The following LHX4 variants were observed in gnomAD, a reference collection of about 807,000 sequenced individuals.
LHX4 encodes the protein LIM homeobox 4.
A neutral mutation model predicts 39.2 loss-of-function variants in LHX4; 16 were observed. The observed-to-expected ratio is 0.41, with a 90% CI of 0.28 to 0.62. The LOEUF is 0.62. LHX4 is among the 20% of genes least tolerant of loss of function. LHX4 has a pLI of 0.33. For synonymous variants in LHX4, 206 were observed against 198.1 expected (o/e 1.04, Z -0.33); for missense variants, 439 against 511.9 (o/e 0.86, Z 1.37).
intron 5 of LHX4, 57 bp from the exon 6 acceptor site, chr1:180,274,128 C>A: frequency 6.2e-7 from 1 of 1,603,140 alleles, no homozygotes; most frequent in South Asian, 1.1e-5. Context: ...TTGTGAAGAG[C>A]AGGGGACCAT....
chr1:180,235,628 A>G (rs1225237449), intron 1 of LHX4, among the ~76,000 whole-genome samples: 2 of 152,050 alleles, frequency 1.3e-5, no homozygotes, highest in Non-Finnish European at 2.9e-5. Flanking sequence ...TCGGCTCCCC[A>G]CTCGGTTCCG....
chr1:180,259,314 G>T (rs1218758729), intron 2 of LHX4, among the ~76,000 whole-genome samples: 2 of 152,138 alleles, frequency 1.3e-5, no homozygotes, highest in South Asian at 2.1e-4. Context: ...GGCAGGCAGG[G>T]ATCATAGAAT....
At position 180,234,525 on chromosome 1, in the gene LHX4, G is replaced by A. The variant is rs936309232; in HGVS notation, c.76+3920G>A. On this transcript the variant is annotated intron_variant, in intron 1 of 5. Transcript: ENST00000263726. This position sits in a 1 kb window ranked among gnomAD's most constrained non-coding sequence, Gnocchi z 4.8. ...GGATGGCTGAGGACTCCCAAGGGGC[G>A]AGAGGGCTCCGGCCTCCTCCTTTCC... 6.6e-6 allele frequency among the ~76,000 whole-genome samples: 1 copy of A among 152,160 alleles called. No homozygotes were observed. The highest frequency in any genetic ancestry group is 2.4e-5 in the African/African-American group (1 of 41,462).
At chr1:180,262,259 C>T (rs1406323425) in intron 2 of LHX4, among the ~76,000 whole-genome samples, 2 of 142,148 alleles carry the variant, frequency 1.4e-5, no homozygotes, top group East Asian at 2.0e-4. Context: ...CCAGCACCTT[C>T]CTACAGAGAT....
intron 1 of LHX4, among the ~76,000 whole-genome samples, chr1:180,245,735 C>A (rs776014716): frequency 1.4e-4 from 22 of 152,212 alleles, no homozygotes; most frequent in Admixed American, 6.5e-4. Flanking sequence ...CCTACAGGCA[C>A]TATTGTCATC....
chr1:180,254,155 G>A (rs992889368), intron 2 of LHX4, among the ~76,000 whole-genome samples: 1 of 152,190 alleles, frequency 6.6e-6, no homozygotes, highest in Non-Finnish European at 1.5e-5. Context: ...GCCCGTCAGG[G>A]GGCGTGGAGT....
At position 180,232,830 on chromosome 1, in the gene LHX4, G is replaced by C. The variant is rs1341757142; in HGVS notation, c.76+2225G>C. Among the ~76,000 whole-genome samples the C allele has an allele frequency of 6.6e-6, 1 of 152,244 alleles. No homozygotes were observed. The highest frequency in any genetic ancestry group is 2.4e-5 in the African/African-American group (1 of 41,468). On this transcript the variant is annotated intron_variant, in intron 1 of 5. Coordinates refer to ENST00000263726, the MANE Select transcript of LHX4 (RefSeq NM_033343.4). The surrounding 1 kb of genome is among the most constrained non-coding windows in gnomAD (Gnocchi z 5.4). ...GGGACTGGGCCCAGTGGCCTAAGAA[G>C]GGGGGAAGCTCGAGGGGTTGTGGGG...
chr1:180,274,398 A>G lies in LHX4; in HGVS notation c.992A>G (p.Asp331Gly). 2 of 1,614,146 alleles carry G rather than the reference A, an allele frequency of 1.2e-6. No homozygotes were observed. Among genetic ancestry groups the G allele is most frequent in the South Asian group, 1.1e-5 (1 of 91,082 alleles). The change falls in exon 6 of 6, where the codon GAT becomes GGT. Residue 331 changes from aspartate (D) to glycine (G), a missense_variant. Physicochemically the swap from Asp to Gly is moderately conservative, Grantham distance 94 (BLOSUM62 -1). Transcript: ENST00000263726. ...PSHAPLLNGLDYTVDSNLGII... is the reference protein window; with the variant it reads ...PSHAPLLNGLGYTVDSNLGII... The stretch of plus-strand genomic sequence containing the variant: ...CACGCTCCTTTGCTCAATGGGCTGG[A>G]TTACACGGTGGACAGTAATTTGGGC...
At chr1:180,246,701 A>G (rs1647396064) in intron 1 of LHX4, among the ~76,000 whole-genome samples, 1 of 152,160 alleles carries the variant, frequency 6.6e-6, no homozygotes, top group South Asian at 2.1e-4. Context: ...ACAGAGCAAG[A>G]CTCTGTCTCA....
chr1:180,250,242 T>C (rs1647564741), intron 2 of LHX4, among the ~76,000 whole-genome samples: 2 of 152,222 alleles, frequency 1.3e-5, no homozygotes, highest in East Asian at 1.9e-4. Flanking sequence ...AGTTTGCCTC[T>C]ATTTTCCTTC....
intron 2 of LHX4, among the ~76,000 whole-genome samples, chr1:180,259,787 G>T (rs774608833): frequency 6.6e-6 from 1 of 151,768 alleles, no homozygotes; most frequent in South Asian, 2.1e-4. Context: ...AAGGAGGGAA[G>T]CGAGGGACAG....
At position 180,277,080 on chromosome 1, in the gene LHX4, GGA is replaced by G. The variant is rs1649080476; in HGVS notation, c.*2505_*2506del. 1 of 152,154 alleles carries G rather than the reference GGA, an allele frequency of 6.6e-6. No individual in the cohort carries two copies. Among genetic ancestry groups the G allele is most frequent in the African/African-American group, 2.4e-5 (1 of 41,436 alleles). The allele number at this position is 152,154 out of a possible 1,614,324, so 9.4% of individuals were successfully genotyped here. ...CTTGAGAGCACTGGCCTGAAAACCA[GGA>G]GAGCTTTGTTTTCCAGAGCCACCTC... On this transcript the variant is annotated 3_prime_UTR_variant, in exon 6 of 6. Transcript: ENST00000263726.
At chr1:180,244,684 C>T (rs1355869201) in intron 1 of LHX4, among the ~76,000 whole-genome samples, 1 of 152,218 alleles carries the variant, frequency 6.6e-6, no homozygotes, top group East Asian at 1.9e-4. Flanking sequence ...GGCCAAACAA[C>T]AATTAGGTAG....
rs750511056 is a variant in LHX4 at position 180,232,206 on chromosome 1, G to A, written c.76+1601G>A. 1.3e-5 allele frequency among the ~76,000 whole-genome samples: 2 copies of A among 152,170 alleles called. No individual in the cohort carries two copies. Among genetic ancestry groups the A allele is most frequent in the Non-Finnish European group, 2.9e-5 (2 of 68,034 alleles). On this transcript the variant is annotated intron_variant, in intron 1 of 5. Coordinates refer to ENST00000263726, the MANE Select transcript of LHX4 (RefSeq NM_033343.4). This position sits in a 1 kb window ranked among gnomAD's most constrained non-coding sequence, Gnocchi z 5.4. ...GCGCGAGTGAGGAGACTGCATGAGT[G>A]GGGGAAGGGTGTGTGTGTGTTACTA...
rs1016473193 is a variant in LHX4 at position 180,277,599 on chromosome 1, C to G, written c.*3020C>G. ...ACGTAATGAAACCATGGAGGAAATA[C>G]CAGATTTAAGGGCTAAGAAGCTGGC... On this transcript the variant is annotated 3_prime_UTR_variant, in exon 6 of 6. Transcript: ENST00000263726. 1.3e-5 allele frequency: 2 copies of G among 152,072 alleles called. No individual in the cohort carries two copies. Among genetic ancestry groups the G allele is most frequent in the East Asian group, 3.9e-4 (2 of 5,190 alleles). The allele number at this position is 152,072 out of a possible 1,614,324, so 9.4% of individuals were successfully genotyped here.
intron 1 of LHX4, among the ~76,000 whole-genome samples, chr1:180,238,674 C>T (rs1196518521): frequency 6.6e-6 from 1 of 152,076 alleles, no homozygotes; most frequent in Non-Finnish European, 1.5e-5. Context: ...GTGATTATTA[C>T]TAGGTTGTGA....
Position 180,274,711 on chromosome 1 carries a change from C to T in LHX4, c.*132C>T, listed in dbSNP as rs1648922784. The T allele has an allele frequency of 9.0e-7, 1 of 1,111,378 alleles. No individual in the cohort carries two copies. Among genetic ancestry groups the T allele is most frequent in the Non-Finnish European group, 1.3e-6 (1 of 789,030 alleles). The allele number at this position is 1,111,378 out of a possible 1,614,324, so 68.8% of individuals were successfully genotyped here. On this transcript the variant is annotated 3_prime_UTR_variant, in exon 6 of 6. Coordinates refer to ENST00000263726, the MANE Select transcript of LHX4 (RefSeq NM_033343.4). ...CATTATTTTCAATGGAAGTCCTCCG[C>T]TGATTCCTAGAAGGCTGTGAGACCA...
chr1:180,248,214 C>T lies in LHX4; in HGVS notation c.77-71C>T, dbSNP rs191779921. On this transcript the variant is annotated intron_variant, in intron 1 of 5. Coordinates refer to ENST00000263726, the MANE Select transcript of LHX4 (RefSeq NM_033343.4). ...ACCATCAGCAGAGTGGGAAGGCACC[C>T]GCCAGGGCCTGGCCTGGTTAGCAGG... The T allele has an allele frequency of 3.8e-4, 576 of 1,530,200 alleles. 2 individuals are homozygous for T. Among genetic ancestry groups the T allele is most frequent in the Admixed American group, 2.2e-3 (124 of 56,226 alleles). 94.8% of individuals were successfully genotyped at this position (1,530,200 alleles called of 1,614,324 possible).
At chr1:180,271,642 C>A in intron 4 of LHX4, 108 bp downstream of exon 4, 1 of 1,459,748 alleles carries the variant, frequency 6.9e-7, no homozygotes, top group Non-Finnish European at 9.6e-7. Context: ...AGGGCTTGAC[C>A]CCAGGGCTTT....
Sources: gnomAD v4.1 joint callset for allele counts (sites outside exome capture counted in the v4.1 genomes callset) on GRCh38, gnomAD v4.1.1 for gene constraint, Gnocchi (gnomAD v3.1) non-coding constraint, MANE v1.5 for transcripts, NCBI Gene and HGNC (gene_info 2026-07-23, HGNC 2026-07-21) for gene names.